The following LRRIQ3 variants were observed in gnomAD, a reference collection of about 807,000 sequenced individuals.
LRRIQ3 encodes the protein leucine rich repeats and IQ motif containing 3.
Under a neutral mutation model 59.3 loss-of-function variants are expected in LRRIQ3, and 75 were observed. The observed-to-expected ratio is 1.26, with a 90% CI of 1.05 to 1.53. LRRIQ3 has a LOEUF of 1.53. Ranked by LOEUF, LRRIQ3 falls within the 40% of genes most tolerant of loss-of-function variation. The pLI is 0.00. For missense variants in LRRIQ3, 831 were observed against 710.0 expected (o/e 1.17, Z -1.94); for synonymous variants, 250 against 231.3 (o/e 1.08, Z -0.73).
At chr1:74,124,259 C>A (rs1301577790) in intron 4 of LRRIQ3, among the ~76,000 whole-genome samples, 1 of 151,658 alleles carries the variant, frequency 6.6e-6, no homozygotes, top group Non-Finnish European at 1.5e-5. Flanking sequence ...TATATTGTAG[C>A]TATTAATTCA....
At position 74,041,321 on chromosome 1, in the gene LRRIQ3, C is replaced by T; in HGVS notation, c.1610G>A (p.Arg537Lys). The change falls in exon 7 of 8, where the codon AGA becomes AAA. Residue 537 changes from arginine (R) to lysine (K), a missense_variant. Coordinates refer to ENST00000354431, the MANE Select transcript of LRRIQ3 (RefSeq NM_001105659.2). ...LLTRGLLKID[R>K]LEKNEAVLKE... is the part of the protein sequence containing the mutation. Reference sequence around the variant, plus strand: ...TAGGACAGCCTCATTCTTCTCCAGTCTGTCAATTTTAAGTAGTCCTCTGGT... The same window carrying T: ...TAGGACAGCCTCATTCTTCTCCAGTTTGTCAATTTTAAGTAGTCCTCTGGT... The T allele has an allele frequency of 6.2e-7, 1 of 1,613,788 alleles. No homozygotes were observed. Among genetic ancestry groups the T allele is most frequent in the Non-Finnish European group, 8.5e-7 (1 of 1,179,866 alleles).
At chr1:74,045,859 C>T (rs1342763958) in intron 6 of LRRIQ3, among the ~76,000 whole-genome samples, 2 of 151,894 alleles carry the variant, frequency 1.3e-5, no homozygotes, top group Non-Finnish European at 2.9e-5. Context: ...CATTTACAAC[C>T]ACTGCAAAGA....
chr1:74,142,278 A>G (rs1647294128), intron 4 of LRRIQ3, among the ~76,000 whole-genome samples: 1 of 151,990 alleles, frequency 6.6e-6, no homozygotes, highest in Non-Finnish European at 1.5e-5. Flanking sequence ...TATCGCCAGT[A>G]CTTCCACTTT....
At position 74,039,522 on chromosome 1, in the gene LRRIQ3, T is replaced by G. The variant is rs573544663; in HGVS notation, c.1718+1691A>C. 7.3e-5 allele frequency among the ~76,000 whole-genome samples: 11 copies of G among 149,896 alleles called. No individual in the cohort carries two copies. The East Asian group carries it at 1.6e-3, about 22-fold the overall frequency. Reference sequence around the variant, plus strand: ...GAGAAGATCAACCCCAAGACACATATGGGCAGCCAGAGAGAAAGGCCAAGT... The same window carrying G: ...GAGAAGATCAACCCCAAGACACATAGGGGCAGCCAGAGAGAAAGGCCAAGT... On this transcript the variant is annotated intron_variant, in intron 7 of 7. Transcript: ENST00000354431.
chr1:74,188,803 C>G (rs994952776), intron 1 of LRRIQ3, among the ~76,000 whole-genome samples: 1 of 152,132 alleles, frequency 6.6e-6, no homozygotes, highest in Admixed American at 6.6e-5. Flanking sequence ...GGGGAAGGAA[C>G]CTGTAAAAGA....
intron 7 of LRRIQ3, among the ~76,000 whole-genome samples, chr1:74,035,286 CAT>C (rs139638718): frequency 0.015 from 2,349 of 152,038 alleles, 46 homozygotes; most frequent in African/African-American, 0.054. Context: ...TAGAAGTAGA[CAT>C]AGACATAGAC....
At chr1:74,167,832 G>A (rs557024423) in intron 3 of LRRIQ3, among the ~76,000 whole-genome samples, 7 of 151,450 alleles carry the variant, frequency 4.6e-5, no homozygotes, top group South Asian at 2.1e-4. Flanking sequence ...ACACACACAC[G>A]AAAGAATTCC....
At chr1:74,137,212 A>C (rs748302617) in intron 4 of LRRIQ3, among the ~76,000 whole-genome samples, 7 of 151,946 alleles carry the variant, frequency 4.6e-5, no homozygotes, top group African/African-American at 9.7e-5. Flanking sequence ...ACTTTTTAAA[A>C]TTAAACAATC....
At chr1:74,099,195 T>C (rs566776142) in intron 5 of LRRIQ3, among the ~76,000 whole-genome samples, 2 of 151,908 alleles carry the variant, frequency 1.3e-5, no homozygotes, top group East Asian at 1.9e-4. Flanking sequence ...AAGAATCAAA[T>C]AGACACAATA....
intron 5 of LRRIQ3, among the ~76,000 whole-genome samples, chr1:74,081,687 G>A (rs541172197): frequency 6.6e-6 from 1 of 151,142 alleles, no homozygotes; most frequent in South Asian, 2.1e-4. Context: ...ATTAATTTTT[G>A]TTTACGTTTC....
intron 1 of LRRIQ3, among the ~76,000 whole-genome samples, chr1:74,185,796 A>G (rs539236118): frequency 2.0e-5 from 3 of 151,940 alleles, no homozygotes; most frequent in South Asian, 2.1e-4. Flanking sequence ...ACAAAAAATT[A>G]GCCGGACGTG....
chr1:74,134,075 G>T (rs1277442709), intron 4 of LRRIQ3, among the ~76,000 whole-genome samples: 1 of 151,740 alleles, frequency 6.6e-6, no homozygotes, highest in Non-Finnish European at 1.5e-5. Context: ...AACATTATTG[G>T]AGTAAGAGTA....
At position 74,155,745 on chromosome 1, in the gene LRRIQ3, C is replaced by CT. The variant is rs762366404; in HGVS notation, c.694dup (p.Arg232LysfsTer20). ...AAACAAAACATACCTCAAATTTTTTCTAACTAAGAAACCACGTATCCATCT... is the reference window on the plus strand; with the variant it reads ...AAACAAAACATACCTCAAATTTTTTCTTAACTAAGAAACCACGTATCCATCT... On this transcript the variant is annotated frameshift_variant, in exon 4 of 8. Transcript: ENST00000354431. LOFTEE classifies it high-confidence loss of function. 4.5e-5 allele frequency: 71 copies of CT among 1,568,200 alleles called. No individual in the cohort carries two copies. Among genetic ancestry groups the CT allele is most frequent in the Non-Finnish European group, 6.1e-5 (71 of 1,165,780 alleles).
At chr1:74,156,715 A>T (rs1648350679) in intron 3 of LRRIQ3, among the ~76,000 whole-genome samples, 1 of 152,172 alleles carries the variant, frequency 6.6e-6, no homozygotes, top group African/African-American at 2.4e-5. Flanking sequence ...GCTTAACTAG[A>T]ATGTTGGACA....
intron 4 of LRRIQ3, among the ~76,000 whole-genome samples, chr1:74,125,131 T>C (rs1646917069): frequency 6.6e-6 from 1 of 151,912 alleles, no homozygotes; most frequent in African/African-American, 2.4e-5. Context: ...GTTAATGGGA[T>C]TAATTTCTTG....
intron 7 of LRRIQ3, among the ~76,000 whole-genome samples, chr1:74,039,450 A>G (rs1008456204): frequency 6.6e-6 from 1 of 152,192 alleles, no homozygotes; most frequent in Admixed American, 6.5e-5. Flanking sequence ...AAGAAAAGCC[A>G]ACATTCAAAT....
chr1:74,099,357 A>G (rs1189773779), intron 5 of LRRIQ3, among the ~76,000 whole-genome samples: 1 of 152,216 alleles, frequency 6.6e-6, no homozygotes, highest in African/African-American at 2.4e-5. Context: ...CTAAACCAGG[A>G]AGAAGCTGAA....
intron 4 of LRRIQ3, among the ~76,000 whole-genome samples, chr1:74,149,354 G>A (rs766107178): frequency 6.6e-6 from 1 of 152,060 alleles, no homozygotes; most frequent in Non-Finnish European, 1.5e-5. Context: ...ATTTTTTAAT[G>A]TATGTACAAC....
intron 7 of LRRIQ3, among the ~76,000 whole-genome samples, chr1:74,037,560 G>A (rs1653908355): frequency 2.0e-5 from 3 of 152,278 alleles, no homozygotes; most frequent in Middle Eastern, 3.4e-3. Context: ...CATTTGGGAG[G>A]TGAAGGGTGC....
Sources: gnomAD v4.1 joint callset for allele counts (sites outside exome capture counted in the v4.1 genomes callset) on GRCh38, gnomAD v4.1.1 for gene constraint, MANE v1.5 for transcripts, NCBI Gene and HGNC (gene_info 2026-07-23, HGNC 2026-07-21) for gene names.